Variants in POPDC3 observed in about 807,000 individuals in gnomAD.
POPDC3 encodes popeye domain-containing protein 3.
POPDC3 carries 20 observed loss-of-function variants against 28.2 expected under a neutral mutation model. The ratio of observed to expected loss-of-function variants is 0.71; its 90% confidence interval spans 0.50 to 1.03. POPDC3 has a LOEUF of 1.03. Ranked by LOEUF, POPDC3 falls within the 50% of genes least tolerant of loss-of-function variation. The probability of loss-of-function intolerance (pLI) is 0.00; values close to 1 mark genes in which losing one functional copy is unlikely to be tolerated. For missense variants in POPDC3, 316 were observed against 345.9 expected, an observed-to-expected ratio of 0.91 and a Z score of 0.69; for synonymous variants, 118 against 124.1, an observed-to-expected ratio of 0.95 and a Z score of 0.33.
chr6:105,169,316 A>T (rs773224586), intron 1 of POPDC3: 1 of 152,200 alleles, frequency 6.6e-6, no homozygotes, highest in Non-Finnish European at 1.5e-5. Context: ...ACAAGACCCT[A>T]TGAGAGACCC....
chr6:105,167,113 A>T (rs989057898), intron 1 of POPDC3, among the ~76,000 whole-genome samples: 3 of 147,732 alleles, frequency 2.0e-5, no homozygotes, highest in South Asian at 2.1e-4. Flanking sequence ...ATGTTGAATT[A>T]AAAAAAAAAG....
At chr6:105,160,236 G>A (rs1774291813) in intron 2 of POPDC3, 1 of 155,580 alleles carries the variant, frequency 6.4e-6, no homozygotes, top group Admixed American at 6.4e-5. Context: ...TTTTTTGACA[G>A]AGTCTCACTC....
chr6:105,162,201 A>G, intron 1 of POPDC3, 41 bp from the exon 2 acceptor site: 1 of 1,114,768 alleles, frequency 9.0e-7, no homozygotes, highest in Non-Finnish European at 1.1e-6. Context: ...AATTAAACAA[A>G]AAGGAGAATT....
intron 2 of POPDC3, 77 bp downstream of exon 2, chr6:105,161,348 A>C: frequency 6.6e-7 from 1 of 1,513,690 alleles, no homozygotes; most frequent in Admixed American, 2.0e-5. Flanking sequence ...TGTGATACTG[A>C]GATGGAAAAA....
In POPDC3 at chr6:105,175,661, G is replaced by GTAA. The variant is rs1338786901; in HGVS notation, c.-252+4169_-252+4171dup. On this transcript the variant is annotated intron_variant, in intron 1 of 3. Transcript: ENST00000254765. ...GTTTGACACTAGCTTGGGCAACATG[G>GTAA]TAAAAGCCCATCTCTACTGAAAATA... Among the ~76,000 whole-genome samples the GTAA allele has an allele frequency of 8.6e-5, 13 of 152,004 alleles. No individual in the cohort carries two copies. In the East Asian group the frequency reaches 2.5e-3, roughly 29 times the overall value.
chr6:105,173,813 A>C (rs1218094495), intron 1 of POPDC3, among the ~76,000 whole-genome samples: 1 of 151,836 alleles, frequency 6.6e-6, no homozygotes, highest in Non-Finnish European at 1.5e-5. Context: ...GTGTCTTTGA[A>C]GTAGAGAATT....
intron 1 of POPDC3, among the ~76,000 whole-genome samples, chr6:105,164,318 A>G (rs1224599575): frequency 6.6e-6 from 1 of 152,134 alleles, no homozygotes; most frequent in African/African-American, 2.4e-5. Flanking sequence ...AAAAATCTTG[A>G]TTTGTAGGAT....
In POPDC3 at chr6:105,158,308, C is replaced by T. The variant is rs964015622; in HGVS notation, c.*162G>A. 2 of 554,126 alleles carry T rather than the reference C, an allele frequency of 3.6e-6. No individual in the cohort carries two copies. The highest frequency in any genetic ancestry group is 1.9e-5 in the African/African-American group (1 of 53,092). The allele number at this position is 554,126 out of a possible 1,614,324, so 34.3% of individuals were successfully genotyped here. A position where few individuals can be genotyped will look rare whatever the true frequency, so the allele number is the denominator to read the frequency against. On this transcript the variant is annotated 3_prime_UTR_variant, in exon 4 of 4. Coordinates refer to ENST00000254765, the MANE Select transcript of POPDC3 (RefSeq NM_022361.5). ...AAGAAAAATTTGTAAAGTTTATTCACAATGCAGTTGTTGAAAGGAATAAAA... is the reference window on the plus strand; with the variant it reads ...AAGAAAAATTTGTAAAGTTTATTCATAATGCAGTTGTTGAAAGGAATAAAA...
chr6:105,167,153 G>A (rs1774473431), intron 1 of POPDC3, among the ~76,000 whole-genome samples: 1 of 151,882 alleles, frequency 6.6e-6, no homozygotes, highest in Non-Finnish European at 1.5e-5. Context: ...TGAGGAAGAG[G>A]TGAAAGGATC....
chr6:105,171,558 C>G (rs181951155), intron 1 of POPDC3, among the ~76,000 whole-genome samples: 1 of 152,120 alleles, frequency 6.6e-6, no homozygotes, highest in African/African-American at 2.4e-5. Context: ...GTATTCCCAG[C>G]TACCCAGGAG....
intron 1 of POPDC3, among the ~76,000 whole-genome samples, chr6:105,164,912 G>A (rs1416924566): frequency 6.6e-6 from 1 of 152,222 alleles, no homozygotes; most frequent in African/African-American, 2.4e-5. Context: ...AAATGTAAAT[G>A]AAGATACAAG....
chr6:105,161,708 C>A lies in POPDC3; in HGVS notation c.202G>T (p.Ala68Ser). ...TCAGCTGCACAGACATCTACCCAAGCCCAGACAGCAGAACAGAGAAAACCC... is the reference window on the plus strand; with the variant it reads ...TCAGCTGCACAGACATCTACCCAAGACCAGACAGCAGAACAGAGAAAACCC... ...GLGFLCSAVWAWVDVCAADIF... is the reference protein window; with the variant it reads ...GLGFLCSAVWSWVDVCAADIF... Residue 68 changes from alanine (A) to serine (S), a missense_variant, in exon 2 of 4, where the codon GCT (alanine) becomes TCT (serine). Transcript: ENST00000254765. The A allele has an allele frequency of 1.2e-6, 2 of 1,614,104 alleles. No individual in the cohort carries two copies. Among genetic ancestry groups the A allele is most frequent in the Non-Finnish European group, 1.7e-6 (2 of 1,180,028 alleles).
intron 2 of POPDC3, among the ~76,000 whole-genome samples, chr6:105,160,678 C>T (rs758810744): frequency 8.5e-5 from 13 of 152,076 alleles, no homozygotes; most frequent in African/African-American, 2.7e-4. Context: ...CTGCAACCTC[C>T]GCCTCCCACG....
intron 1 of POPDC3, among the ~76,000 whole-genome samples, chr6:105,170,159 C>T (rs1461316015): frequency 2.0e-4 from 31 of 152,128 alleles, no homozygotes; most frequent in Non-Finnish European, 2.4e-4. Flanking sequence ...AAATAATTGA[C>T]AGGCTCTGCT....
At chr6:105,177,778 T>A (rs1379333626) in intron 1 of POPDC3, among the ~76,000 whole-genome samples, 1 of 152,200 alleles carries the variant, frequency 6.6e-6, no homozygotes, top group Non-Finnish European at 1.5e-5. Context: ...CCTAGCCAAT[T>A]TCAGTGTGCC....
At chr6:105,168,195 C>T (rs1774498006) in intron 1 of POPDC3, among the ~76,000 whole-genome samples, 6 of 152,232 alleles carry the variant, frequency 3.9e-5, no homozygotes, top group Admixed American at 3.9e-4. Flanking sequence ...GCTCCTTTAT[C>T]CTACCAAGGG....
intron 1 of POPDC3, among the ~76,000 whole-genome samples, chr6:105,172,724 A>C (rs1189058140): frequency 6.6e-6 from 1 of 150,684 alleles, no homozygotes; most frequent in Non-Finnish European, 1.5e-5. Context: ...GGATGAGTTC[A>C]TGTCCTTTGT....
chr6:105,176,894 C>G (rs1436225185), intron 1 of POPDC3: 1 of 152,610 alleles, frequency 6.6e-6, no homozygotes, highest in African/African-American at 2.4e-5. Flanking sequence ...GAAAGACATA[C>G]GCAATGATTT....
chr6:105,162,049 G>A lies in POPDC3; in HGVS notation c.-140C>T. ...GAAAACGGACACTGGAGTTGATGCT[G>A]ATTAAAGGCTTCGTGTGTACGGATC... On this transcript the variant is annotated 5_prime_UTR_variant, in exon 2 of 4. Coordinates refer to ENST00000254765, the MANE Select transcript of POPDC3 (RefSeq NM_022361.5). The A allele has an allele frequency of 2.7e-6, 4 of 1,482,394 alleles. No homozygotes were observed. The highest frequency in any genetic ancestry group is 2.7e-6 in the Non-Finnish European group (3 of 1,125,216). The allele number at this position is 1,482,394 out of a possible 1,614,324, so 91.8% of individuals were successfully genotyped here. A position where few individuals can be genotyped will look rare whatever the true frequency, so the allele number is the denominator to read the frequency against.
Sources: allele counts gnomAD v4.1 joint callset (sites outside exome capture counted in the v4.1 genomes callset), GRCh38; gene constraint gnomAD v4.1.1; transcripts MANE v1.5; gene names NCBI Gene and HGNC (gene_info 2026-07-23, HGNC 2026-07-21).